HECW2: variants seen among roughly 807,000 people sequenced by gnomAD.
HECW2 encodes E3 ubiquitin-protein ligase HECW2.
In HECW2, 61 loss-of-function variants were observed where a neutral mutation model predicts 175.2. The observed-to-expected ratio is 0.35, with a 90% CI of 0.28 to 0.43. The LOEUF (loss-of-function observed/expected upper bound fraction) is 0.43. Ranked by LOEUF, HECW2 falls within the 20% of genes least tolerant of loss-of-function variation. The pLI is 1.00. For synonymous variants in HECW2, 671 were observed against 731.0 expected (o/e 0.92, Z 1.32); for missense variants, 1,524 against 2,000.5 (o/e 0.76, Z 4.54).
Position 196,369,342 on chromosome 2 carries a change from G to GTCTGTCTCTCTCTCTCTC in HECW2, c.293-25579_293-25578insGAGAGAGAGAGAGACAGA, listed in dbSNP as rs1693841878. ...CCCTTACTCCTCCTAAACAAATGGAGTCTCTCTCTCTCTCTCTCTCTCTCT... is the reference window on the plus strand; with the variant it reads ...CCCTTACTCCTCCTAAACAAATGGAGTCTGTCTCTCTCTCTCTCTCTCTCTCTCTCTCTCTCTCTCTCT... On this transcript the variant is annotated intron_variant, in intron 2 of 28. Transcript: ENST00000644978. Among the ~76,000 whole-genome samples the GTCTGTCTCTCTCTCTCTC allele has an allele frequency of 6.1e-5, 8 of 131,556 alleles. No homozygotes were observed. In the South Asian group the frequency reaches 2.1e-3, roughly 35 times the overall value. The allele number at this position is 131,556 out of a possible 152,430, so 86.3% of individuals were successfully genotyped here.
intron 27 of HECW2, among the ~76,000 whole-genome samples, chr2:196,216,530 C>CA (rs11295664): frequency 0.016 from 2,152 of 136,216 alleles, 76 homozygotes; most frequent in East Asian, 0.15. Flanking sequence ...ACACCACACG[C>CA]AAAAAAAAAA....
At chr2:196,275,950 T>C (rs1041469873) in intron 15 of HECW2, among the ~76,000 whole-genome samples, 1 of 152,202 alleles carries the variant, frequency 6.6e-6, no homozygotes, top group Non-Finnish European at 1.5e-5. Flanking sequence ...CTAGAAGTCT[T>C]CTCATCCTGC....
chr2:196,307,832 G>C (rs1691326066), intron 11 of HECW2, 103 bp downstream of exon 11: 2 of 1,102,678 alleles, frequency 1.8e-6, no homozygotes, highest in Admixed American at 2.6e-5. Context: ...TTAACGACAG[G>C]ACACACAAAG....
chr2:196,440,445 A>G (rs1443297328), intron 1 of HECW2, among the ~76,000 whole-genome samples: 1 of 152,180 alleles, frequency 6.6e-6, no homozygotes, highest in Admixed American at 6.5e-5. Context: ...TTGATAGTAA[A>G]TAAGTACTGT....
rs1691794356 is a variant in HECW2 at position 196,318,629 on chromosome 2, G to A, written c.2261C>T (p.Pro754Leu). ...CTCCCCAGCACTGCCTTCTTCTTGCGGTGGGCTCTCGGCAGCAGCTGCAGC... is the reference window on the plus strand; with the variant it reads ...CTCCCCAGCACTGCCTTCTTCTTGCAGTGGGCTCTCGGCAGCAGCTGCAGC... ...EGAAAAAESP[P>L]QEEGSAGEAQ... The change falls in exon 9 of 29, where the codon CCG becomes CTG. Residue 754 changes from proline (P) to leucine (L), a missense_variant. Physicochemically the swap from Pro to Leu is moderately conservative, Grantham distance 98. This residue lies in a region of HECW2 where 604 missense variants were observed against 588.3 expected (regional missense o/e 1.03). Coordinates refer to ENST00000644978, the MANE Select transcript of HECW2 (RefSeq NM_001348768.2). The A allele has an allele frequency of 5.0e-6, 8 of 1,590,588 alleles. No individual in the cohort carries two copies. The highest frequency in any genetic ancestry group is 1.8e-5 in the Admixed American group (1 of 56,340).
Position 196,325,027 on chromosome 2 carries a change from G to C in HECW2, c.694C>G (p.Arg232Gly). The C allele has an allele frequency of 6.2e-7, 1 of 1,607,526 alleles. No homozygotes were observed. Among genetic ancestry groups the C allele is most frequent in the South Asian group, 1.1e-5 (1 of 90,206 alleles). The change falls in exon 6 of 29, where the codon CGG becomes GGG. Residue 232 changes from arginine (R) to glycine (G), a missense_variant. By Grantham distance (125) the Arg-to-Gly change is moderately radical. This residue lies in a region of HECW2 where 95 missense variants were observed against 136.8 expected (regional missense o/e 0.69). Coordinates refer to ENST00000644978, the MANE Select transcript of HECW2 (RefSeq NM_001348768.2). ...GTGGTGTTACTGATGATAGTAGACC[G>C]TCTCTCCTGCCCGTGGTGGGCACAG... ...PTCAHHGQER[R>G]STIISNTTNP...
chr2:196,318,867 A>C lies in HECW2; in HGVS notation c.2023T>G (p.Ser675Ala), dbSNP rs1691816461. Residue 675 changes from serine (S) to alanine (A), a missense_variant, in exon 9 of 29, where the codon TCT becomes GCT. Around this residue, in one of 11 missense-constraint regions of HECW2, gnomAD observed 604 missense variants for 588.3 expected, o/e 1.03. Coordinates refer to ENST00000644978, the MANE Select transcript of HECW2 (RefSeq NM_001348768.2). ...SARFPETPAF[S>A]SQEEEDGACA... The stretch of plus-strand genomic sequence containing the variant: ...GCTCCGTCTTCCTCCTCCTGAGAAG[A>C]AAAGGCTGGGGTTTCAGGAAACCGT... 1 of 1,552,538 alleles carries C rather than the reference A, an allele frequency of 6.4e-7. No individual in the cohort carries two copies. Among genetic ancestry groups the C allele is most frequent in the Non-Finnish European group, 8.7e-7 (1 of 1,149,394 alleles).
At chr2:196,293,973 C>T (rs890090314) in intron 13 of HECW2, among the ~76,000 whole-genome samples, 2 of 152,156 alleles carry the variant, frequency 1.3e-5, no homozygotes, top group Admixed American at 6.5e-5. Flanking sequence ...GGCATATAAG[C>T]TTGGTGAATG....
chr2:196,282,043 A>G (rs1038992234), intron 14 of HECW2, among the ~76,000 whole-genome samples: 2 of 152,174 alleles, frequency 1.3e-5, no homozygotes, highest in South Asian at 2.1e-4. Flanking sequence ...ATTTTCACAA[A>G]TAATAGTTTT....
At chr2:196,204,389 C>T (rs191042983) in intron 28 of HECW2, among the ~76,000 whole-genome samples, 3 of 152,138 alleles carry the variant, frequency 2.0e-5, no homozygotes, top group Admixed American at 1.3e-4. Flanking sequence ...GGTATGAAGT[C>T]CATTCACCTT....
At position 196,390,418 on chromosome 2, in the gene HECW2, C is replaced by A. The variant is rs542337388; in HGVS notation, c.292+42714G>T. On this transcript the variant is annotated intron_variant, in intron 2 of 28. Coordinates refer to ENST00000644978, the MANE Select transcript of HECW2 (RefSeq NM_001348768.2). ...CTTGCCAGCACTCCTTGTACTCCCC[C>A]AAATGATCACTTATCGTGACTTTGC... Among the ~76,000 whole-genome samples the A allele has an allele frequency of 2.6e-5, 4 of 152,296 alleles. No homozygotes were observed. The East Asian group carries it at 5.8e-4, about 22-fold the overall frequency.
At chr2:196,417,230 G>GA (rs1204127761) in intron 2 of HECW2, among the ~76,000 whole-genome samples, 2 of 152,130 alleles carry the variant, frequency 1.3e-5, no homozygotes, top group South Asian at 2.1e-4. Context: ...TCCAAATGAT[G>GA]AAAAATATCA....
At chr2:196,589,205 T>A (rs1231327909) in intron 1 of HECW2, among the ~76,000 whole-genome samples, 1 of 152,044 alleles carries the variant, frequency 6.6e-6, no homozygotes, top group Non-Finnish European at 1.5e-5. Flanking sequence ...TCTCAAAAAA[T>A]AAATAAATAA....
In HECW2 at chr2:196,439,978, G is replaced by A. The variant is rs59708995; in HGVS notation, c.-35-6520C>T. Among the ~76,000 whole-genome samples the A allele has an allele frequency of 4.5e-4, 69 of 152,216 alleles. No homozygotes were observed. In the East Asian group the frequency reaches 9.1e-3, roughly 20 times the overall value. The stretch of plus-strand genomic sequence containing the variant: ...ACATGATGACAGATTGAATATAGGG[G>A]ATAAAAGTGAGGGTGAAATTAGGAC... On this transcript the variant is annotated intron_variant, in intron 1 of 28. Coordinates refer to ENST00000644978, the MANE Select transcript of HECW2 (RefSeq NM_001348768.2).
At chr2:196,221,201 C>T (rs893098896) in intron 24 of HECW2, among the ~76,000 whole-genome samples, 2 of 152,090 alleles carry the variant, frequency 1.3e-5, no homozygotes, top group East Asian at 3.9e-4. Flanking sequence ...TTTAAAATGC[C>T]GATGAATCGG....
chr2:196,443,237 C>T (rs1334213745), intron 1 of HECW2, among the ~76,000 whole-genome samples: 3 of 151,898 alleles, frequency 2.0e-5, no homozygotes, highest in African/African-American at 7.3e-5. Flanking sequence ...TTAGTGAAAA[C>T]GAAGGTTTGC....
intron 23 of HECW2, 41 bp from the exon 24 acceptor site, chr2:196,222,381 C>T: frequency 6.3e-7 from 1 of 1,595,060 alleles, no homozygotes; most frequent in Non-Finnish European, 8.5e-7. Context: ...GTAGGCATGG[C>T]TATTAGCAAA....
intron 2 of HECW2, among the ~76,000 whole-genome samples, chr2:196,376,110 A>G (rs1694044311): frequency 6.6e-6 from 1 of 152,238 alleles, no homozygotes; most frequent in South Asian, 2.1e-4. Flanking sequence ...TAAAAGAATA[A>G]TAACACATTC....
At chr2:196,433,696 G>A (rs1695785987) in intron 1 of HECW2, among the ~76,000 whole-genome samples, 1 of 152,104 alleles carries the variant, frequency 6.6e-6, no homozygotes. Flanking sequence ...ATTTCACTTG[G>A]CACAGCTTTC....
Sources: allele counts gnomAD v4.1 joint callset (sites outside exome capture counted in the v4.1 genomes callset), GRCh38; gene constraint gnomAD v4.1.1; regional missense constraint gnomAD v4.1.1; transcripts MANE v1.5; gene names NCBI Gene and HGNC (gene_info 2026-07-23, HGNC 2026-07-21).